The following CRTC3 variants were observed in gnomAD, a reference collection of about 807,000 sequenced individuals.
CRTC3 encodes CREB-regulated transcription coactivator 3.
In CRTC3, 26 loss-of-function variants were observed where a neutral mutation model predicts 74.5. The observed-to-expected ratio is 0.35, with a 90% CI of 0.26 to 0.48. The LOEUF (loss-of-function observed/expected upper bound fraction) is 0.48. CRTC3 is among the 20% of genes least tolerant of loss of function. CRTC3 has a pLI of 0.99. For missense variants in CRTC3, 760 were observed against 787.3 expected, an observed-to-expected ratio of 0.97 and a Z score of 0.41; for synonymous variants, 377 against 325.8, an observed-to-expected ratio of 1.16 and a Z score of -1.69.
chr15:90,591,702 C>A (rs1335880979), intron 2 of CRTC3, among the ~76,000 whole-genome samples: 1 of 152,210 alleles, frequency 6.6e-6, no homozygotes, highest in African/African-American at 2.4e-5. Flanking sequence ...GTAGTCCCAG[C>A]TACTCAGGAG....
chr15:90,642,492 T>A lies in CRTC3; in HGVS notation c.*352T>A, dbSNP rs958274530. On this transcript the variant is annotated 3_prime_UTR_variant, in exon 15 of 15. Coordinates refer to ENST00000268184, the MANE Select transcript of CRTC3 (RefSeq NM_022769.5). The stretch of plus-strand genomic sequence containing the variant: ...GTCACTGGAGGCCTCCGTAGCATTG[T>A]GTAGTGTGCTCAGAACCACTGATCT... The A allele has an allele frequency of 1.2e-5, 5 of 408,214 alleles. No individual in the cohort carries two copies. Among genetic ancestry groups the A allele is most frequent in the Non-Finnish European group, 1.4e-5 (3 of 218,646 alleles). 25.3% of individuals were successfully genotyped at this position (408,214 alleles called of 1,614,324 possible). A position where few individuals can be genotyped will look rare whatever the true frequency, so the allele number is the denominator to read the frequency against.
chr15:90,538,683 A>G (rs1393931194), intron 1 of CRTC3, among the ~76,000 whole-genome samples: 1 of 152,040 alleles, frequency 6.6e-6, no homozygotes, highest in Middle Eastern at 3.2e-3. Context: ...TTTCACATAT[A>G]CTATTTGAAA....
chr15:90,606,102 A>T (rs1365365634), intron 5 of CRTC3, among the ~76,000 whole-genome samples: 30 of 152,012 alleles, frequency 2.0e-4, no homozygotes, highest in Admixed American at 1.9e-3. Flanking sequence ...CTAAAAATAC[A>T]GAAATTAGCC....
At chr15:90,605,720 G>A (rs1391596867) in intron 5 of CRTC3, among the ~76,000 whole-genome samples, 1 of 152,122 alleles carries the variant, frequency 6.6e-6, no homozygotes, top group Non-Finnish European at 1.5e-5. Flanking sequence ...CTGAAGCCAC[G>A]TGGCTTCATA....
At chr15:90,613,378 C>T (rs1038193907) in intron 6 of CRTC3, among the ~76,000 whole-genome samples, 1 of 152,078 alleles carries the variant, frequency 6.6e-6, no homozygotes, top group Non-Finnish European at 1.5e-5. Flanking sequence ...GAAATTCTGT[C>T]TTTGTGTGTC....
chr15:90,598,232 C>T (rs1039486620), intron 3 of CRTC3: 18 of 575,826 alleles, frequency 3.1e-5, no homozygotes, highest in East Asian at 1.5e-4. Context: ...CGCACAGGGA[C>T]GGGAAGCCAA....
rs1399645752 is a variant in CRTC3 at position 90,644,956 on chromosome 15, A to T, written c.*2816A>T. On this transcript the variant is annotated 3_prime_UTR_variant, in exon 15 of 15. Transcript: ENST00000268184. ...TTTCTGTATGGTTGTGGGTTTTAGGACATAGGGGGTTAGGAGAAGGGGTTT... is the reference window on the plus strand; with the variant it reads ...TTTCTGTATGGTTGTGGGTTTTAGGTCATAGGGGGTTAGGAGAAGGGGTTT... 4.3e-6 allele frequency: 1 copy of T among 232,390 alleles called. No homozygotes were observed. The highest frequency in any genetic ancestry group is 2.2e-5 in the African/African-American group (1 of 45,286). 14.4% of individuals were successfully genotyped at this position (232,390 alleles called of 1,614,324 possible).
chr15:90,579,542 C>T (rs1458258478), intron 2 of CRTC3, among the ~76,000 whole-genome samples: 5 of 151,814 alleles, frequency 3.3e-5, no homozygotes, highest in Non-Finnish European at 5.9e-5. Context: ...TGTCCCCTTC[C>T]CCTGGGAAAA....
intron 5 of CRTC3, among the ~76,000 whole-genome samples, chr15:90,607,131 C>T (rs985051561): frequency 6.6e-6 from 1 of 152,166 alleles, no homozygotes; most frequent in Non-Finnish European, 1.5e-5. Flanking sequence ...TGAACTTGAT[C>T]GCCATGCCAT....
At position 90,571,507 on chromosome 15, in the gene CRTC3, A is replaced by G. The variant is rs574459539; in HGVS notation, c.232-22129A>G. Reference sequence around the variant, plus strand: ...GGTGAGAGATGAGGCTGGAGCTTGAAGTAGGAACCAGATCACAAAGGACTT... The same window carrying G: ...GGTGAGAGATGAGGCTGGAGCTTGAGGTAGGAACCAGATCACAAAGGACTT... On this transcript the variant is annotated intron_variant, in intron 2 of 14. Coordinates refer to ENST00000268184, the MANE Select transcript of CRTC3 (RefSeq NM_022769.5). 2.0e-5 allele frequency among the ~76,000 whole-genome samples: 3 copies of G among 152,270 alleles called. No homozygotes were observed. The East Asian group carries it at 5.8e-4, about 29-fold the overall frequency.
At chr15:90,563,847 GA>G (rs1179768715) in intron 2 of CRTC3, among the ~76,000 whole-genome samples, 2 of 152,124 alleles carry the variant, frequency 1.3e-5, no homozygotes, top group African/African-American at 2.4e-5. Context: ...GAATGAAATA[GA>G]AAAAATAATT....
chr15:90,583,074 G>T (rs1967580603), intron 2 of CRTC3, among the ~76,000 whole-genome samples: 1 of 151,838 alleles, frequency 6.6e-6, no homozygotes, highest in African/African-American at 2.4e-5. Flanking sequence ...TTGAGCTCAA[G>T]CGATCCTCCC....
At chr15:90,560,215 G>A (rs999524745) in intron 2 of CRTC3, among the ~76,000 whole-genome samples, 2 of 152,154 alleles carry the variant, frequency 1.3e-5, no homozygotes, top group African/African-American at 4.8e-5. Flanking sequence ...GCTAGTATTT[G>A]TTGAGGGCTG....
intron 8 of CRTC3, among the ~76,000 whole-genome samples, chr15:90,619,142 G>A (rs1968570378): frequency 6.6e-6 from 1 of 152,100 alleles, no homozygotes; most frequent in African/African-American, 2.4e-5. Context: ...CAAGCCAATT[G>A]GAAAAGAAAT....
chr15:90,618,081 T>C (rs1968540788), intron 8 of CRTC3, 113 bp downstream of exon 8: 7 of 667,590 alleles, frequency 1.0e-5, no homozygotes, highest in African/African-American at 1.8e-5. Flanking sequence ...AGGAGAAGAT[T>C]TGTCTGAGAA....
At position 90,551,944 on chromosome 15, in the gene CRTC3, G is replaced by GCACACACA. The variant is rs5814439; in HGVS notation, c.231+11824_231+11831dup. ...ATTACACACACGCACACACACACAC[G>GCACACACA]CACACACACACACACACACACACAA... On this transcript the variant is annotated intron_variant, in intron 2 of 14. Transcript: ENST00000268184. Among the ~76,000 whole-genome samples the GCACACACA allele has an allele frequency of 1.1e-3, 136 of 129,268 alleles. 1 individual carries two copies. Among genetic ancestry groups the GCACACACA allele is most frequent in the African/African-American group, 4.5e-3 (123 of 27,462 alleles). 84.8% of individuals were successfully genotyped at this position (129,268 alleles called of 152,430 possible).
At chr15:90,564,961 T>TTCCTTC (rs1967091245) in intron 2 of CRTC3, among the ~76,000 whole-genome samples, 1 of 134,472 alleles carries the variant, frequency 7.4e-6, no homozygotes, top group East Asian at 2.1e-4. Context: ...TTCCTTCCTT[T>TTCCTTC]CATGGAGTTT....
intron 2 of CRTC3, among the ~76,000 whole-genome samples, chr15:90,572,975 A>G (rs895578971): frequency 4.6e-5 from 7 of 152,238 alleles, no homozygotes; most frequent in African/African-American, 1.4e-4. Flanking sequence ...AGTGTTAAGT[A>G]TATTCACATT....
At chr15:90,546,604 A>G (rs1189713958) in intron 2 of CRTC3, among the ~76,000 whole-genome samples, 4 of 152,132 alleles carry the variant, frequency 2.6e-5, no homozygotes, top group Non-Finnish European at 5.9e-5. Context: ...GTTAATGTCT[A>G]TAAAAACACC....
Sources: allele counts gnomAD v4.1 joint callset (sites outside exome capture counted in the v4.1 genomes callset), GRCh38; gene constraint gnomAD v4.1.1; transcripts MANE v1.5; gene names NCBI Gene and HGNC (gene_info 2026-07-23, HGNC 2026-07-21).